Variants in LEPR observed in about 807,000 individuals in gnomAD.
The protein encoded by LEPR is OB receptor.
LEPR carries 56 observed loss-of-function variants against 114.7 expected under a neutral mutation model. The observed-to-expected ratio is 0.49, with a 90% CI of 0.39 to 0.61. The LOEUF is 0.61. Among genes scored for constraint, LEPR ranks in the 20% least tolerant of loss-of-function variants. LEPR has a pLI of 0.00. For synonymous variants in LEPR, 443 were observed against 461.4 expected (o/e 0.96, Z 0.51); for missense variants, 1,202 against 1,352.9 (o/e 0.89, Z 1.75).
rs147816495 is a variant in LEPR at position 65,430,643 on chromosome 1, T to C, written c.-21+5265T>C. Among the ~76,000 whole-genome samples, 12 of 152,186 alleles carry C rather than the reference T, an allele frequency of 7.9e-5. No homozygotes were observed. The East Asian group carries it at 2.3e-3, about 29-fold the overall frequency. On this transcript the variant is annotated intron_variant, in intron 2 of 19. Transcript: ENST00000349533. ...CTCCAATTACGTTCTATTTTAATTT[T>C]ATGAAACTCTTATTTGAGGCATTGA...
chr1:65,425,820 T>C (rs1646351198), intron 2 of LEPR, among the ~76,000 whole-genome samples: 1 of 152,116 alleles, frequency 6.6e-6, no homozygotes, highest in Non-Finnish European at 1.5e-5. Flanking sequence ...GAGCCAAGAC[T>C]AGGTGGATGA....
chr1:65,538,562 T>G (rs1650943002), intron 2 of LEPR, among the ~76,000 whole-genome samples: 1 of 152,208 alleles, frequency 6.6e-6, no homozygotes, highest in Non-Finnish European at 1.5e-5. Flanking sequence ...AAAGTATATT[T>G]GTTTCTCTCG....
At chr1:65,507,527 ATATATGTGTG>A (rs1414555709) in intron 2 of LEPR, among the ~76,000 whole-genome samples, 22 of 106,276 alleles carry the variant, frequency 2.1e-4, no homozygotes, top group African/African-American at 4.1e-4. Context: ...ATATGTGTAT[ATATATGTGTG>A]TATATATATA....
In LEPR at chr1:65,589,033, G is replaced by A. The variant is rs117341129; in HGVS notation, c.495-3624G>A. On this transcript the variant is annotated intron_variant, in intron 5 of 19. Transcript: ENST00000349533. ...ATTGTATCATTTTACATTCCCATCAGCAGTGTAAGAGTTCCAGTTCCTCCA... is the reference window on the plus strand; with the variant it reads ...ATTGTATCATTTTACATTCCCATCAACAGTGTAAGAGTTCCAGTTCCTCCA... Among the ~76,000 whole-genome samples, 108 of 152,164 alleles carry A rather than the reference G, an allele frequency of 7.1e-4. No homozygotes were observed. In the East Asian group the frequency reaches 0.02, roughly 28 times the overall value.
rs1646849511 is a variant in LEPR, at chr1:65,455,110, T to C, written c.-21+29732T>C. Among the ~76,000 whole-genome samples the C allele has an allele frequency of 2.0e-5, 3 of 152,228 alleles. No individual in the cohort carries two copies. The South Asian group carries it at 6.2e-4, about 32-fold the overall frequency. The stretch of plus-strand genomic sequence containing the variant: ...GGCTTCTGCCTTCTTCACGTAGTTC[T>C]CAAGCCTTGGTTTTCAGCTCCATCA... On this transcript the variant is annotated intron_variant, in intron 2 of 19. Coordinates refer to ENST00000349533, the MANE Select transcript of LEPR (RefSeq NM_002303.6).
At chr1:65,546,074 C>T (rs1389083724) in intron 2 of LEPR, among the ~76,000 whole-genome samples, 2 of 151,872 alleles carry the variant, frequency 1.3e-5, no homozygotes, top group Non-Finnish European at 2.9e-5. Flanking sequence ...AATCCTTTCC[C>T]CATTGCTTGT....
intron 6 of LEPR, among the ~76,000 whole-genome samples, chr1:65,593,929 G>T (rs1570772768): frequency 6.6e-6 from 1 of 152,146 alleles, no homozygotes; most frequent in East Asian, 1.9e-4. Flanking sequence ...TCAACATTGA[G>T]TGCATTGTTT....
intron 19 of LEPR, among the ~76,000 whole-genome samples, chr1:65,624,203 T>C (rs1014954683): frequency 7.2e-5 from 11 of 152,164 alleles, no homozygotes; most frequent in African/African-American, 2.7e-4. Flanking sequence ...CTGCTTACCT[T>C]ATTAGGTTGT....
At chr1:65,617,877 C>T (rs974435636) in intron 15 of LEPR, 87 bp from the exon 16 acceptor site, 5 of 1,329,030 alleles carry the variant, frequency 3.8e-6, no homozygotes, top group African/African-American at 2.9e-5. Context: ...TCCTTATTCC[C>T]TTTAGTAGGT....
intron 5 of LEPR, chr1:65,576,856 C>T (rs1169854474): frequency 3.2e-6 from 1 of 310,308 alleles, no homozygotes; most frequent in Non-Finnish European, 6.4e-6. Context: ...CCTCCACACA[C>T]CCAGATCTGA....
intron 19 of LEPR, chr1:65,623,504 A>G (rs17406366): frequency 0.024 from 3,585 of 152,350 alleles, 160 homozygotes; most frequent in South Asian, 0.2. Flanking sequence ...AGTCAACTAT[A>G]ATAAAATAAT....
intron 2 of LEPR, among the ~76,000 whole-genome samples, chr1:65,542,315 C>A (rs948211929): frequency 6.6e-6 from 1 of 151,394 alleles, no homozygotes. Context: ...TCTTTTTAAA[C>A]GTGAGAATAA....
At chr1:65,529,382 C>T (rs909236952) in intron 2 of LEPR, among the ~76,000 whole-genome samples, 2 of 151,768 alleles carry the variant, frequency 1.3e-5, no homozygotes, top group African/African-American at 4.8e-5. Flanking sequence ...TTTATCCAGA[C>T]CTGGTGGCAG....
intron 2 of LEPR, among the ~76,000 whole-genome samples, chr1:65,456,431 A>G (rs1646877265): frequency 6.6e-6 from 1 of 152,104 alleles, no homozygotes; most frequent in African/African-American, 2.4e-5. Flanking sequence ...CTCCAACTAC[A>G]ATCATGGATT....
rs572090914 is a variant in LEPR at position 65,606,316 on chromosome 1, A to G, written c.1603+1079A>G. 2.7e-4 allele frequency among the ~76,000 whole-genome samples: 41 copies of G among 152,290 alleles called. 3 individuals are homozygous for G. The South Asian group carries it at 8.3e-3, about 31-fold the overall frequency. On this transcript the variant is annotated intron_variant, in intron 11 of 19. Transcript: ENST00000349533. Reference sequence around the variant, plus strand: ...CCCCCAAACATGCACAGATAATAACACACTCACTTATAAGATATGACAAAT... The same window carrying G: ...CCCCCAAACATGCACAGATAATAACGCACTCACTTATAAGATATGACAAAT...
intron 5 of LEPR, among the ~76,000 whole-genome samples, chr1:65,584,405 ATATC>A (rs1326245398): frequency 6.6e-6 from 1 of 152,194 alleles, no homozygotes. Flanking sequence ...ACAAATCTAT[ATATC>A]TATATATCTC....
chr1:65,509,799 A>T (rs1648941555), intron 2 of LEPR, among the ~76,000 whole-genome samples: 1 of 152,208 alleles, frequency 6.6e-6, no homozygotes, highest in South Asian at 2.1e-4. Context: ...TAAGAAAAAC[A>T]CAGAGCAATC....
intron 2 of LEPR, among the ~76,000 whole-genome samples, chr1:65,527,392 A>G (rs1419908439): frequency 6.6e-6 from 1 of 152,208 alleles, no homozygotes; most frequent in Non-Finnish European, 1.5e-5. Context: ...CGCACACACA[A>G]AAGTGTCTAC....
chr1:65,532,586 G>A (rs1650478470), intron 2 of LEPR, among the ~76,000 whole-genome samples: 1 of 152,094 alleles, frequency 6.6e-6, no homozygotes, highest in African/African-American at 2.4e-5. Context: ...CTGCCCAAAT[G>A]TCCATACACT....
Sources: gnomAD v4.1 joint callset for allele counts (sites outside exome capture counted in the v4.1 genomes callset) on GRCh38, gnomAD v4.1.1 for gene constraint, MANE v1.5 for transcripts, NCBI Gene and HGNC (gene_info 2026-07-23, HGNC 2026-07-21) for gene names.